PPP1R13B: variants seen among roughly 807,000 people sequenced by gnomAD.
The protein encoded by PPP1R13B is apoptosis-stimulating of p53 protein 1.
PPP1R13B carries 44 observed loss-of-function variants against 119.8 expected under a neutral mutation model. The ratio of observed to expected loss-of-function variants is 0.37; its 90% CI spans 0.29 to 0.47. The LOEUF is 0.47. Ranked by LOEUF, PPP1R13B falls within the 20% of genes least tolerant of loss-of-function variation. The probability of loss-of-function intolerance (pLI) is 0.99; values close to 1 mark genes in which losing one functional copy is unlikely to be tolerated. For synonymous variants in PPP1R13B, 542 were observed against 561.5 expected (o/e 0.97, Z 0.49); for missense variants, 1,227 against 1,413.5 (o/e 0.87, Z 2.12).
At chr14:103,848,143 GCTT>G, upstream of PPP1R13B, 1 of 749,010 alleles carries the variant, frequency 1.3e-6, no homozygotes, top group Non-Finnish European at 1.6e-6. Flanking sequence ...GCTGGCACCT[GCTT>G]CTCCCCCACC....
chr14:103,761,782 GA>G (rs1017418857), intron 4 of PPP1R13B, among the ~76,000 whole-genome samples: 4 of 149,202 alleles, frequency 2.7e-5, no homozygotes, highest in Non-Finnish European at 3.0e-5. Context: ...AAAAGAAAAA[GA>G]AAAAAAAAGA....
chr14:103,788,043 G>A (rs1371093686), intron 2 of PPP1R13B, among the ~76,000 whole-genome samples: 1 of 151,660 alleles, frequency 6.6e-6, no homozygotes, highest in African/African-American at 2.4e-5. Context: ...AGCCCAGGAG[G>A]TTGAAGCTGC....
At chr14:103,811,977 G>A (rs1167313245) in intron 1 of PPP1R13B, among the ~76,000 whole-genome samples, 3 of 146,866 alleles carry the variant, frequency 2.0e-5, no homozygotes, top group South Asian at 4.4e-4. Context: ...GGAGAATGGC[G>A]TGAACCTGGG....
chr14:103,740,260 C>T lies in PPP1R13B; in HGVS notation c.2156G>A (p.Gly719Glu). The change falls in exon 12 of 17, where the codon GGG becomes GAG. Residue 719 changes from glycine to glutamate, a missense_variant. Gly to Glu is a moderately conservative substitution (Grantham distance 98). Transcript: ENST00000202556. This position sits in a 1 kb window ranked among gnomAD's most constrained non-coding sequence, Gnocchi z 4.6. ...SSITEPEGPG[G>E]PNIQKLLYQR... ...GTACAGCAGCTTCTGGATGTTGGGC[C>T]CGCCGGGGCCCTCGGGCTCTGTGAT... 6.2e-7 allele frequency: 1 copy of T among 1,604,038 alleles called. No homozygotes were observed. Among genetic ancestry groups the T allele is most frequent in the Non-Finnish European group, 8.5e-7 (1 of 1,174,346 alleles).
intron 16 of PPP1R13B, 23 bp downstream of exon 16, chr14:103,735,980 C>T (rs1165788032): frequency 9.9e-6 from 16 of 1,613,194 alleles, no homozygotes; most frequent in Non-Finnish European, 1.4e-5. Flanking sequence ...GCTAGTTTCC[C>T]AGTAAGTAAC....
At chr14:103,737,522 G>A (rs988470535) in intron 15 of PPP1R13B, 172 bp downstream of exon 15, 3 of 821,962 alleles carry the variant, frequency 3.6e-6, no homozygotes, top group African/African-American at 1.7e-5. Flanking sequence ...GCTGCAGTGA[G>A]CCATGATTGC....
At position 103,738,863 on chromosome 14, in the gene PPP1R13B, A is replaced by C; in HGVS notation, c.2730+23T>G. Reference sequence around the variant, plus strand: ...CATCCCCTCGCCCCCAGCAGCGTGCACTGGTCCCCGGCTGCAGCTCACCTC... The same window carrying C: ...CATCCCCTCGCCCCCAGCAGCGTGCCCTGGTCCCCGGCTGCAGCTCACCTC... On this transcript the variant is annotated intron_variant, in intron 13 of 16. Transcript: ENST00000202556. The surrounding 1 kb of genome is among the most constrained non-coding windows in gnomAD (Gnocchi z 5.6). The C allele has an allele frequency of 6.2e-7, 1 of 1,613,130 alleles. No individual in the cohort carries two copies.
chr14:103,789,119 G>C (rs1324249401), intron 2 of PPP1R13B, among the ~76,000 whole-genome samples: 1 of 152,168 alleles, frequency 6.6e-6, no homozygotes, highest in Admixed American at 6.5e-5. Context: ...TCTACTGAGA[G>C]AATATTTATA....
At chr14:103,754,943 C>A (rs1465525844) in intron 5 of PPP1R13B, among the ~76,000 whole-genome samples, 1 of 152,016 alleles carries the variant, frequency 6.6e-6, no homozygotes, top group African/African-American at 2.4e-5. Flanking sequence ...CCATGCCCAG[C>A]TAATTTTTTT....
chr14:103,773,995 T>C (rs1395920440), intron 4 of PPP1R13B, among the ~76,000 whole-genome samples: 1 of 152,196 alleles, frequency 6.6e-6, no homozygotes, highest in Non-Finnish European at 1.5e-5. Flanking sequence ...AAACATCACA[T>C]TTATGGTCAA....
chr14:103,762,596 T>TAAA (rs11446097), intron 4 of PPP1R13B, among the ~76,000 whole-genome samples: 2 of 139,530 alleles, frequency 1.4e-5, no homozygotes, highest in South Asian at 2.3e-4. Context: ...CTTAAAGTAT[T>TAAA]AAAAAAAAAA....
intron 1 of PPP1R13B, among the ~76,000 whole-genome samples, chr14:103,817,790 G>A (rs373177487): frequency 1.6e-4 from 25 of 151,896 alleles, no homozygotes; most frequent in Admixed American, 2.6e-4. Context: ...ACAGACTGGC[G>A]TGTCCAAGGC....
At chr14:103,780,809 TA>T (rs202112499) in intron 3 of PPP1R13B, among the ~76,000 whole-genome samples, 3,973 of 126,008 alleles carry the variant, frequency 0.032, 53 homozygotes, top group South Asian at 0.062. Flanking sequence ...ACTCTGTCTC[TA>T]AAAAAAAAAA....
chr14:103,847,462 G>C lies in PPP1R13B; in HGVS notation c.-155C>G. ...GGCGGCAGCTGCGGCGGGCTGCGGG[G>C]CTCTCGCTGGCCCTGTCGCGGCCGC... On this transcript the variant is annotated 5_prime_UTR_variant, in exon 1 of 17. Coordinates refer to ENST00000202556, the MANE Select transcript of PPP1R13B (RefSeq NM_015316.3). 1 of 994,564 alleles carries C rather than the reference G, an allele frequency of 1.0e-6. No individual in the cohort carries two copies. Among genetic ancestry groups the C allele is most frequent in the African/African-American group, 1.8e-5 (1 of 56,992 alleles). The allele number at this position is 994,564 out of a possible 1,614,324, so 61.6% of individuals were successfully genotyped here.
intron 7 of PPP1R13B, among the ~76,000 whole-genome samples, 157 bp from the exon 8 acceptor site, chr14:103,750,091 G>A (rs2084501619): frequency 6.6e-6 from 1 of 152,230 alleles, no homozygotes; most frequent in South Asian, 2.1e-4. Flanking sequence ...AGGTACAGCA[G>A]AGATAAGCCA....
rs59281762 is a variant in PPP1R13B, at chr14:103,761,274, TAAAAAA to T, written c.355-3529_355-3524del. On this transcript the variant is annotated intron_variant, in intron 4 of 16. Coordinates refer to ENST00000202556, the MANE Select transcript of PPP1R13B (RefSeq NM_015316.3). ...AGGGAACAGAGCAAGACCCTATATT[TAAAAAA>T]AAAAAAAAAAAAAAAAAAAGAATTT... Among the ~76,000 whole-genome samples the T allele has an allele frequency of 7.1e-3, 740 of 104,742 alleles. 14 individuals carry two copies. The East Asian group carries it at 0.093, about 13-fold the overall frequency. 68.7% of individuals were successfully genotyped at this position (104,742 alleles called of 152,430 possible). A position where few individuals can be genotyped will look rare whatever the true frequency, so the allele number is the denominator to read the frequency against.
rs564443125 is a variant in PPP1R13B at position 103,775,749 on chromosome 14, G to A, written c.354+2996C>T. Among the ~76,000 whole-genome samples, 80 of 152,294 alleles carry A rather than the reference G, an allele frequency of 5.3e-4. 1 individual carries two copies. Among genetic ancestry groups the A allele is most frequent in the Non-Finnish European group, 9.3e-4 (63 of 68,026 alleles). ...CTGAATGAAAATTTCTACCAGTGGT[G>A]TGTGTGCGTCTATTTCTTAAGACGT... On this transcript the variant is annotated intron_variant, in intron 4 of 16. Transcript: ENST00000202556.
intron 4 of PPP1R13B, among the ~76,000 whole-genome samples, chr14:103,773,018 G>A (rs2085107214): frequency 6.6e-6 from 1 of 152,126 alleles, no homozygotes; most frequent in Non-Finnish European, 1.5e-5. Flanking sequence ...AGCTTTGGGA[G>A]TTCTTTATAT....
intron 1 of PPP1R13B, among the ~76,000 whole-genome samples, chr14:103,836,032 C>T (rs1425020172): frequency 3.4e-5 from 5 of 148,950 alleles, no homozygotes; most frequent in African/African-American, 1.2e-4. Flanking sequence ...TAAGCCATGG[C>T]GCCTGGCCTA....
Sources: gnomAD v4.1 joint callset for allele counts (sites outside exome capture counted in the v4.1 genomes callset) on GRCh38, gnomAD v4.1.1 for gene constraint, Gnocchi (gnomAD v3.1) non-coding constraint, MANE v1.5 for transcripts, NCBI Gene and HGNC (gene_info 2026-07-23, HGNC 2026-07-21) for gene names.